Variants in PCLO observed in about 807,000 individuals in gnomAD.
PCLO encodes protein piccolo.
Under a neutral mutation model 427.5 loss-of-function variants are expected in PCLO, and 82 were observed. That is an observed-to-expected ratio of 0.19 (90% CI 0.16 to 0.23). PCLO has a LOEUF of 0.23. Among genes scored for constraint, PCLO ranks in the 10% least tolerant of loss-of-function variants. The probability of loss-of-function intolerance (pLI) is 1.00; values close to 1 mark genes in which losing one functional copy is unlikely to be tolerated. For missense variants in PCLO, 6,239 were observed against 6,115.9 expected, an observed-to-expected ratio of 1.02 and a Z score of -0.67; for synonymous variants, 2,357 against 2,155.4, an observed-to-expected ratio of 1.09 and a Z score of -2.59.
At chr7:83,048,047 GCATACACT>G (rs1380958387) in intron 3 of PCLO, among the ~76,000 whole-genome samples, 1 of 152,010 alleles carries the variant, frequency 6.6e-6, no homozygotes, top group Non-Finnish European at 1.5e-5. Flanking sequence ...CACAACTCCA[GCATACACT>G]CATCTTCCTT....
At chr7:83,097,689 CTT>C (rs1244343584) in intron 3 of PCLO, among the ~76,000 whole-genome samples, 1 of 151,454 alleles carries the variant, frequency 6.6e-6, no homozygotes, top group Admixed American at 6.6e-5. Flanking sequence ...ATCTTCAACA[CTT>C]TGTCATATTG....
chr7:82,821,857 G>A, intron 20 of PCLO: 4 of 981,454 alleles, frequency 4.1e-6, no homozygotes, highest in Non-Finnish European at 4.8e-6. Context: ...TTTTGAGAAT[G>A]TAAGAAATAA....
At chr7:83,013,568 G>A (rs973284199) in intron 3 of PCLO, among the ~76,000 whole-genome samples, 1 of 152,124 alleles carries the variant, frequency 6.6e-6, no homozygotes, top group African/African-American at 2.4e-5. Flanking sequence ...GGAGCTGAAC[G>A]CTTGATGACA....
chr7:82,928,656 T>C (rs1169088237), intron 6 of PCLO, among the ~76,000 whole-genome samples: 1 of 152,168 alleles, frequency 6.6e-6, no homozygotes, highest in South Asian at 2.1e-4. Context: ...ATTGCAGGCA[T>C]GAGCCACCGC....
At chr7:82,850,013 T>G (rs79943197) in intron 10 of PCLO, among the ~76,000 whole-genome samples, 1 of 58,280 alleles carries the variant, frequency 1.7e-5, no homozygotes, top group African/African-American at 4.2e-5. Flanking sequence ...ATTATTATTA[T>G]TTATTTATTT....
At chr7:82,983,952 A>C (rs993743523) in intron 3 of PCLO, among the ~76,000 whole-genome samples, 1 of 151,974 alleles carries the variant, frequency 6.6e-6, no homozygotes, top group Non-Finnish European at 1.5e-5. Flanking sequence ...AATTAGAAAA[A>C]CTGACACCTT....
intron 10 of PCLO, among the ~76,000 whole-genome samples, chr7:82,859,994 G>A (rs544210948): frequency 1.9e-4 from 29 of 152,140 alleles, no homozygotes; most frequent in African/African-American, 7.0e-4. Flanking sequence ...GGATTAGTGA[G>A]CTTGAATACA....
chr7:82,827,126 C>T (rs1370034716), intron 17 of PCLO, among the ~76,000 whole-genome samples: 1 of 151,874 alleles, frequency 6.6e-6, no homozygotes, highest in African/African-American at 2.4e-5. Flanking sequence ...AATTTATATC[C>T]AGCTTCATCT....
In PCLO at chr7:82,801,572, C is replaced by T; in HGVS notation, c.14953G>A (p.Gly4985Arg). ...CCTGGCTGTTTTACAGGCTCTTGTC[C>T]ATTCTGTCCCATCTTCCCTCTGTTT... ...IPRIGKMGQN[G>R]QEPVKQPGVG... Residue 4985 changes from glycine (G) to arginine (R), a missense_variant, in exon 22 of 25, where the codon GGA (glycine) becomes AGA (arginine). Physicochemically the swap from Gly to Arg is moderately radical, Grantham distance 125. This residue lies in a region of PCLO where 877 missense variants were observed against 925.5 expected (regional missense o/e 0.95). Coordinates refer to ENST00000333891, the MANE Select transcript of PCLO (RefSeq NM_033026.6). 6.3e-7 allele frequency: 1 copy of T among 1,585,002 alleles called. No homozygotes were observed. Among genetic ancestry groups the T allele is most frequent in the Non-Finnish European group, 8.7e-7 (1 of 1,154,030 alleles).
chr7:83,070,184 G>C (rs1482066214), intron 3 of PCLO, among the ~76,000 whole-genome samples: 1 of 152,032 alleles, frequency 6.6e-6, no homozygotes, highest in African/African-American at 2.4e-5. Flanking sequence ...CATGTGGTGA[G>C]GAATGAAGCC....
chr7:83,155,056 G>A lies in PCLO; in HGVS notation c.1585C>T (p.Pro529Ser). Residue 529 changes from proline to serine, a missense_variant, in exon 2 of 25, where the codon CCC becomes TCC. Pro to Ser is a moderately conservative substitution (Grantham distance 74). Transcript: ENST00000333891. ...PSPQQPGSTK[P>S]PSQQPGSAKP... ...GCTGAGCCAGGCTGTTGAGATGGGG[G>A]TTTTGTTGAGCCAGGCTGTTGAGGT... The A allele has an allele frequency of 9.9e-6, 16 of 1,613,184 alleles. No individual in the cohort carries two copies. The highest frequency in any genetic ancestry group is 2.2e-5 in the East Asian group (1 of 44,820).
intron 6 of PCLO, among the ~76,000 whole-genome samples, chr7:82,930,049 A>T (rs1174899922): frequency 1.3e-5 from 2 of 152,196 alleles, no homozygotes; most frequent in African/African-American, 2.4e-5. Context: ...AAACTTTATA[A>T]TAAAAGCTTC....
chr7:83,094,278 G>A (rs1024961596), intron 3 of PCLO, among the ~76,000 whole-genome samples: 2 of 137,702 alleles, frequency 1.5e-5, no homozygotes, highest in South Asian at 4.5e-4. Flanking sequence ...GTGCAATCTC[G>A]GCTCACTGCA....
chr7:83,139,348 T>G (rs542554803), intron 2 of PCLO, among the ~76,000 whole-genome samples: 1 of 152,220 alleles, frequency 6.6e-6, no homozygotes, highest in African/African-American at 2.4e-5. Flanking sequence ...TTGGTTTCAT[T>G]AGTAAAATTC....
At chr7:83,079,722 ATTTAT>A (rs1268348398) in intron 3 of PCLO, among the ~76,000 whole-genome samples, 1 of 151,972 alleles carries the variant, frequency 6.6e-6, no homozygotes, top group Non-Finnish European at 1.5e-5. Context: ...TTATTTCAAT[ATTTAT>A]TTTAAGTTCT....
At chr7:83,022,528 C>T (rs553511549) in intron 3 of PCLO, among the ~76,000 whole-genome samples, 19 of 152,172 alleles carry the variant, frequency 1.2e-4, no homozygotes, top group African/African-American at 4.1e-4. Context: ...GATTGTTTTT[C>T]GAATCACCAC....
Position 82,915,060 on chromosome 7 carries a change from G to A in PCLO, c.12926C>T (p.Ser4309Phe), listed in dbSNP as rs781591316. The A allele has an allele frequency of 7.4e-6, 12 of 1,612,324 alleles. No homozygotes were observed. The South Asian group carries it at 1.3e-4, about 18-fold the overall frequency. ...TTTCAGTCTTAGGGAAGAGCTAGAA[G>A]AATCCCTTTTAATTGATAAATCAAG... The part of the protein sequence containing the change: ...YGLDLSIKRD[S>F]SSSSLRLKAQ... The change falls in exon 7 of 25, where the codon TCT becomes TTT. Residue 4309 changes from serine (S) to phenylalanine (F), a missense_variant. Physicochemically the swap from Ser to Phe is radical, Grantham distance 155. Around this residue, in one of 5 missense-constraint regions of PCLO, gnomAD observed 680 missense variants for 677.3 expected, o/e 1.00. Coordinates refer to ENST00000333891, the MANE Select transcript of PCLO (RefSeq NM_033026.6).
chr7:82,978,675 G>C (rs1412875991), intron 3 of PCLO, among the ~76,000 whole-genome samples: 1 of 151,916 alleles, frequency 6.6e-6, no homozygotes, highest in Non-Finnish European at 1.5e-5. Flanking sequence ...GTCAAATAAT[G>C]CAGTTAAGGT....
rs180804439 is a variant in PCLO, at chr7:83,136,392, T to C, written c.1894-736A>G. Among the ~76,000 whole-genome samples, 780 of 152,276 alleles carry C rather than the reference T, an allele frequency of 5.1e-3. 5 individuals are homozygous for C. Among genetic ancestry groups the C allele is most frequent in the Non-Finnish European group, 7.9e-3 (540 of 68,014 alleles). On this transcript the variant is annotated intron_variant, in intron 2 of 24. Coordinates refer to ENST00000333891, the MANE Select transcript of PCLO (RefSeq NM_033026.6). ...AAACATGTTAGATATCATAAATCAG[T>C]TATGAGAGTTATTTTCTCTATTGAT...
Sources: gnomAD v4.1 joint callset for allele counts (sites outside exome capture counted in the v4.1 genomes callset) on GRCh38, gnomAD v4.1.1 for gene constraint, gnomAD v4.1.1 regional missense constraint, MANE v1.5 for transcripts, NCBI Gene and HGNC (gene_info 2026-07-23, HGNC 2026-07-21) for gene names.